Variants in TOMM70 observed in about 807,000 individuals in gnomAD.
TOMM70 encodes translocase of outer mitochondrial membrane 70.
In TOMM70, 13 loss-of-function variants were observed where a neutral mutation model predicts 73.6. The ratio of observed to expected loss-of-function variants is 0.18; its 90% CI spans 0.11 to 0.28. The LOEUF is 0.28. Ranked by LOEUF, TOMM70 falls within the 10% of genes least tolerant of loss-of-function variation. TOMM70 has a pLI of 1.00. For synonymous variants in TOMM70, 257 were observed against 271.2 expected, an observed-to-expected ratio of 0.95 and a Z score of 0.51; for missense variants, 609 against 747.5, an observed-to-expected ratio of 0.81 and a Z score of 2.16.
At chr3:100,379,096 T>A (rs1007447973) in intron 5 of TOMM70, among the ~76,000 whole-genome samples, 3 of 152,324 alleles carry the variant, frequency 2.0e-5, no homozygotes, top group African/African-American at 7.2e-5. Flanking sequence ...ATTAATACTT[T>A]AAAAAACACC....
chr3:100,396,978 T>TA, intron 1 of TOMM70, among the ~76,000 whole-genome samples: 1 of 152,324 alleles, frequency 6.6e-6, no homozygotes, highest in South Asian at 2.1e-4. Flanking sequence ...TACATTAAGG[T>TA]AAACATAAGC....
At chr3:100,393,427 G>C (rs80073654) in intron 1 of TOMM70, among the ~76,000 whole-genome samples, 1 of 151,772 alleles carries the variant, frequency 6.6e-6, no homozygotes, top group Non-Finnish European at 1.5e-5. Flanking sequence ...GTGACATAAC[G>C]GACTATGGAG....
At chr3:100,397,163 GT>G (rs1433750392) in intron 1 of TOMM70, among the ~76,000 whole-genome samples, 7 of 152,156 alleles carry the variant, frequency 4.6e-5, no homozygotes, top group African/African-American at 7.2e-5. Flanking sequence ...AATGCTTCTG[GT>G]TGCGAAATCC....
At chr3:100,388,433 T>G (rs1706717752) in intron 1 of TOMM70, among the ~76,000 whole-genome samples, 1 of 152,140 alleles carries the variant, frequency 6.6e-6, no homozygotes, top group Non-Finnish European at 1.5e-5. Flanking sequence ...GAGAGACAAG[T>G]GGCCAGGTAC....
rs1706467252 is a variant in TOMM70, at chr3:100,368,199, T to C, written c.1551-33A>G. On this transcript the variant is annotated intron_variant, in intron 10 of 11. Transcript: ENST00000284320. ...TGCAAAAAAATGTCAGATGTGACCA[T>C]GGCCCAGTATCAGTAGGAATACACA... 1.9e-6 allele frequency: 3 copies of C among 1,603,142 alleles called. 1 individual carries two copies. The highest frequency in any genetic ancestry group is 2.6e-6 in the Non-Finnish European group (3 of 1,175,742).
intron 2 of TOMM70, 55 bp downstream of exon 2, chr3:100,386,750 T>C (rs1009586255): frequency 1.7e-5 from 26 of 1,566,768 alleles, no homozygotes; most frequent in Non-Finnish European, 2.2e-5. Flanking sequence ...TAACTGAAAC[T>C]TTAAGCAAAT....
In TOMM70 at chr3:100,363,734, G is replaced by A. The variant is rs1311531347; in HGVS notation, c.*1830C>T. On this transcript the variant is annotated 3_prime_UTR_variant, in exon 12 of 12. Transcript: ENST00000284320. ...AATAAAAACTTTTTTAAAGTCAGAGGTCATTCAGAGATGTAGAACATTTCT... is the reference window on the plus strand; with the variant it reads ...AATAAAAACTTTTTTAAAGTCAGAGATCATTCAGAGATGTAGAACATTTCT... 6.6e-6 allele frequency: 1 copy of A among 152,590 alleles called. No individual in the cohort carries two copies. The highest frequency in any genetic ancestry group is 6.5e-5 in the Admixed American group (1 of 15,280). 9.5% of individuals were successfully genotyped at this position (152,590 alleles called of 1,614,324 possible). A position where few individuals can be genotyped will look rare whatever the true frequency, so the allele number is the denominator to read the frequency against.
At chr3:100,387,036 A>G (rs1474125062) in intron 1 of TOMM70, 58 bp from the exon 2 acceptor site, 1 of 1,540,840 alleles carries the variant, frequency 6.5e-7, no homozygotes. Context: ...CTCAGACCAC[A>G]GTAATTAAAC....
At position 100,373,650 on chromosome 3, in the gene TOMM70, G is replaced by GA. The variant is rs1576211346; in HGVS notation, c.1228-6dup. The GA allele has an allele frequency of 1.3e-6, 2 of 1,597,330 alleles. No homozygotes were observed. Among genetic ancestry groups the GA allele is most frequent in the East Asian group, 2.3e-5 (1 of 44,342 alleles). ...TTGATCAAGGAGTATTTTCAGCTAAGAAAAAAATACGTAAATAAATGTAAT... is the reference window on the plus strand; with the variant it reads ...TTGATCAAGGAGTATTTTCAGCTAAGAAAAAAAATACGTAAATAAATGTAAT... On this transcript the variant is annotated splice_polypyrimidine_tract_variant and splice_region_variant and intron_variant, in intron 7 of 11. Transcript: ENST00000284320.
At chr3:100,390,640 A>G (rs1706748899) in intron 1 of TOMM70, among the ~76,000 whole-genome samples, 1 of 152,182 alleles carries the variant, frequency 6.6e-6, no homozygotes, top group Non-Finnish European at 1.5e-5. Context: ...CAGCCTGACC[A>G]ACACGGTGAA....
chr3:100,368,031 C>T lies in TOMM70; in HGVS notation c.1673+13G>A. 1.9e-6 allele frequency: 3 copies of T among 1,611,294 alleles called. No individual in the cohort carries two copies. The highest frequency in any genetic ancestry group is 2.5e-6 in the Non-Finnish European group (3 of 1,178,896). ...GAGCTACCATATATTTCCTAACAGA[C>T]TCCAGAAGTTACCTTTGTACTTCAA... is the stretch of plus-strand genomic sequence containing the variant. On this transcript the variant is annotated intron_variant, in intron 11 of 11. Transcript: ENST00000284320.
chr3:100,401,037 G>A lies in TOMM70; in HGVS notation c.-88C>T. On this transcript the variant is annotated 5_prime_UTR_variant, in exon 1 of 12. Transcript: ENST00000284320. The stretch of plus-strand genomic sequence containing the variant: ...GCGAAGGAAGACCGAGGGAGGGAAG[G>A]AAAGCAATGAGCGAGCGAGCACGCT... 3 of 1,356,594 alleles carry A rather than the reference G, an allele frequency of 2.2e-6. No homozygotes were observed. The highest frequency in any genetic ancestry group is 2.7e-5 in the East Asian group (1 of 37,618). The allele number at this position is 1,356,594 out of a possible 1,614,324, so 84.0% of individuals were successfully genotyped here. A position where few individuals can be genotyped will look rare whatever the true frequency, so the allele number is the denominator to read the frequency against.
At chr3:100,377,982 C>T (rs1275051771) in intron 5 of TOMM70, 70 bp from the exon 6 acceptor site, 24 of 1,393,002 alleles carry the variant, frequency 1.7e-5, no homozygotes, top group East Asian at 7.1e-5. Context: ...TGTGGTGGCT[C>T]ACGCCTGTAA....
At chr3:100,394,036 T>C (rs1001010883) in intron 1 of TOMM70, among the ~76,000 whole-genome samples, 5 of 152,242 alleles carry the variant, frequency 3.3e-5, no homozygotes, top group African/African-American at 7.2e-5. Context: ...AAAACTATTA[T>C]AAATTCTCAG....
chr3:100,376,432 C>T (rs915884061), intron 6 of TOMM70, among the ~76,000 whole-genome samples: 7 of 146,398 alleles, frequency 4.8e-5, no homozygotes, highest in East Asian at 2.2e-4. Context: ...GCACAAGTCA[C>T]GGCTCACCGC....
At chr3:100,378,511 T>C (rs1040972662) in intron 5 of TOMM70, among the ~76,000 whole-genome samples, 14 of 152,250 alleles carry the variant, frequency 9.2e-5, no homozygotes, top group Admixed American at 7.8e-4. Context: ...GACATTTAGA[T>C]ACTGAAAAGA....
Position 100,372,265 on chromosome 3 carries a change from AG to A in TOMM70, c.1452+340del, listed in dbSNP as rs1373590456. On this transcript the variant is annotated intron_variant, in intron 9 of 11. Transcript: ENST00000284320. Reference sequence around the variant, plus strand: ...CCATATAAAAAGGCAGTGACCAGATAGAAAGAAAAGCCTTTCCGTGGATATT... The same window carrying A: ...CCATATAAAAAGGCAGTGACCAGATAAAAGAAAAGCCTTTCCGTGGATATT... 2.1e-5 allele frequency: 4 copies of A among 191,472 alleles called. No individual in the cohort carries two copies. In the Admixed American group the frequency reaches 2.4e-4, roughly 11 times the overall value. 11.9% of individuals were successfully genotyped at this position (191,472 alleles called of 1,614,324 possible). A position where few individuals can be genotyped will look rare whatever the true frequency, so the allele number is the denominator to read the frequency against.
intron 1 of TOMM70, among the ~76,000 whole-genome samples, chr3:100,400,402 G>A (rs573491291): frequency 6.6e-6 from 1 of 152,328 alleles, no homozygotes; most frequent in Non-Finnish European, 1.5e-5. Context: ...AAAAGCAAAG[G>A]ATTTTTCTGA....
chr3:100,368,683 C>A (rs1706474533), intron 10 of TOMM70, among the ~76,000 whole-genome samples: 1 of 152,146 alleles, frequency 6.6e-6, no homozygotes, highest in Non-Finnish European at 1.5e-5. Flanking sequence ...TCAAGTGATT[C>A]TCACTCCTTA....
Sources: allele counts gnomAD v4.1 joint callset (sites outside exome capture counted in the v4.1 genomes callset), GRCh38; gene constraint gnomAD v4.1.1; transcripts MANE v1.5; gene names NCBI Gene and HGNC (gene_info 2026-07-23, HGNC 2026-07-21).